The following TIAM2 variants were observed in gnomAD, a reference collection of about 807,000 sequenced individuals.
TIAM2 encodes the protein TIAM Rac1 associated GEF 2, also known as rho guanine nucleotide exchange factor TIAM2.
Under a neutral mutation model 152.9 loss-of-function variants are expected in TIAM2, and 80 were observed. The observed-to-expected ratio is 0.52, with a 90% CI of 0.44 to 0.63. The LOEUF is 0.63. Ranked by LOEUF, TIAM2 falls within the 30% of genes least tolerant of loss-of-function variation. The probability of loss-of-function intolerance (pLI) is 0.00; values close to 1 mark genes in which losing one functional copy is unlikely to be tolerated. For synonymous variants in TIAM2, 804 were observed against 838.0 expected, an observed-to-expected ratio of 0.96 and a Z score of 0.70; for missense variants, 1,965 against 2,120.1, an observed-to-expected ratio of 0.93 and a Z score of 1.44.
At chr6:155,026,395 T>G (rs1776602786) in intron 1 of TIAM2, among the ~76,000 whole-genome samples, 1 of 152,252 alleles carries the variant, frequency 6.6e-6, no homozygotes, top group Non-Finnish European at 1.5e-5. Context: ...TTTGCAATGA[T>G]AATTGAGTTT....
chr6:155,230,926 C>T (rs1329291093), intron 15 of TIAM2, among the ~76,000 whole-genome samples: 21 of 151,780 alleles, frequency 1.4e-4, no homozygotes, highest in African/African-American at 3.6e-4. Context: ...CTCTGCCTCC[C>T]GGGTTCAAGC....
intron 16 of TIAM2, among the ~76,000 whole-genome samples, chr6:155,241,786 C>G (rs939847856): frequency 6.6e-6 from 1 of 152,192 alleles, no homozygotes; most frequent in South Asian, 2.1e-4. Context: ...ATGAAGTGAA[C>G]AGCCAGGCTG....
chr6:155,191,128 G>C (rs1025726677), intron 14 of TIAM2, among the ~76,000 whole-genome samples: 10 of 152,124 alleles, frequency 6.6e-5, no homozygotes, highest in African/African-American at 2.4e-4. Flanking sequence ...AGTGTAGAAG[G>C]GTAAACGGTG....
intron 21 of TIAM2, chr6:155,250,601 A>C: frequency 1.3e-6 from 2 of 1,535,944 alleles, no homozygotes; most frequent in South Asian, 2.4e-5. Context: ...TACAAAAGGC[A>C]CTCTGGAAGA....
chr6:155,094,746 GT>G (rs1195702511), intron 2 of TIAM2, among the ~76,000 whole-genome samples: 1 of 145,402 alleles, frequency 6.9e-6, no homozygotes, highest in Non-Finnish European at 1.5e-5. Flanking sequence ...TTGTTTTTTT[GT>G]TTTTTTGTTT....
chr6:155,189,245 G>T (rs1267610629), intron 14 of TIAM2, among the ~76,000 whole-genome samples: 5 of 152,174 alleles, frequency 3.3e-5, no homozygotes, highest in African/African-American at 1.2e-4. Flanking sequence ...TTAGCTCAGA[G>T]AATGCTCTGT....
At chr6:155,197,670 T>C (rs1781377662) in intron 14 of TIAM2, among the ~76,000 whole-genome samples, 1 of 151,844 alleles carries the variant, frequency 6.6e-6, no homozygotes, top group African/African-American at 2.4e-5. Context: ...ACAATCATGG[T>C]GGAAAGGGAA....
chr6:155,084,528 C>T (rs781376342), intron 1 of TIAM2, among the ~76,000 whole-genome samples: 1 of 152,202 alleles, frequency 6.6e-6, no homozygotes, highest in Non-Finnish European at 1.5e-5. Context: ...TGATCACCAG[C>T]CTAGGGAGAG....
rs767597545 is a variant in TIAM2 at position 155,186,077 on chromosome 6, T to C, written c.3064+2577T>C. On this transcript the variant is annotated intron_variant, in intron 14 of 26. Coordinates refer to ENST00000682666, the MANE Select transcript of TIAM2 (RefSeq NM_012454.4). The surrounding 1 kb of genome is among the most constrained non-coding windows in gnomAD (Gnocchi z 4.5). Reference sequence around the variant, plus strand: ...GGAAAAGAAAATAAGGGTAGGTGGGTGGATTAAAAGATAAAAGTGAAAAAA... The same window carrying C: ...GGAAAAGAAAATAAGGGTAGGTGGGCGGATTAAAAGATAAAAGTGAAAAAA... 6.6e-6 allele frequency among the ~76,000 whole-genome samples: 1 copy of C among 151,994 alleles called. No individual in the cohort carries two copies. Among genetic ancestry groups the C allele is most frequent in the Non-Finnish European group, 1.5e-5 (1 of 67,998 alleles).
rs79414314 is a variant in TIAM2 at position 155,034,714 on chromosome 6, C to G, written c.-209+39222C>G. ...GCATGTGCTTTGGAGTCTGAGAGCC[C>G]ATGTTTGATTCCTGGCTAGGCTAGT... On this transcript the variant is annotated intron_variant, in intron 1 of 26. Transcript: ENST00000682666. Among the ~76,000 whole-genome samples, 20 of 152,276 alleles carry G rather than the reference C, an allele frequency of 1.3e-4. No homozygotes were observed. In the East Asian group the frequency reaches 3.9e-3, roughly 29 times the overall value.
rs539824984 is a variant in TIAM2, at chr6:155,116,115, A to G, written c.-117-11375A>G. Reference sequence around the variant, plus strand: ...GAGACTGCCATCTCAGAAAAAAAGAATGGATTAGGCCCTTCCCCCTCCATC... The same window carrying G: ...GAGACTGCCATCTCAGAAAAAAAGAGTGGATTAGGCCCTTCCCCCTCCATC... On this transcript the variant is annotated intron_variant, in intron 2 of 26. Transcript: ENST00000682666. 7.9e-5 allele frequency among the ~76,000 whole-genome samples: 12 copies of G among 152,332 alleles called. No individual in the cohort carries two copies. In the East Asian group the frequency reaches 1.9e-3, roughly 24 times the overall value.
At position 155,257,146 on chromosome 6, in the gene TIAM2, A is replaced by AAATT. The variant is rs565720439; in HGVS notation, c.*26_*29dup. 1.6e-3 allele frequency: 2,517 copies of AAATT among 1,603,012 alleles called. 5 individuals carry two copies. The highest frequency in any genetic ancestry group is 1.9e-3 in the Non-Finnish European group (2,283 of 1,173,044). Reference sequence around the variant, plus strand: ...GTATGATTCAATCCAGATATGGGTTAAATTCCTCATTTTACTTTTAAACTG... The same window carrying AAATT: ...GTATGATTCAATCCAGATATGGGTTAAATTAATTCCTCATTTTACTTTTAAACTG... On this transcript the variant is annotated 3_prime_UTR_variant, in exon 27 of 27. Transcript: ENST00000682666.
In TIAM2 at chr6:155,129,694, G is replaced by A. The variant is rs1406246153; in HGVS notation, c.471G>A (p.Lys157=). 6.2e-7 allele frequency: 1 copy of A among 1,614,110 alleles called. No individual in the cohort carries two copies. The highest frequency in any genetic ancestry group is 1.1e-5 in the South Asian group (1 of 91,086). ...IASTPPGEDR[K]SPRVLIKTLG... ...CCACCCCACCGGGCGAAGACCGCAA[G>A]AGCCCCCGAGTGCTCATCAAAACGC... The change falls in exon 4 of 27, where the codon AAG becomes AAA. Residue 157 remains lysine, a synonymous_variant. Transcript: ENST00000682666. The surrounding 1 kb of genome is among the most constrained non-coding windows in gnomAD (Gnocchi z 4.8).
intron 20 of TIAM2, among the ~76,000 whole-genome samples, chr6:155,249,289 G>C (rs113326569): frequency 0.013 from 1,929 of 152,258 alleles, 37 homozygotes; most frequent in African/African-American, 0.044. Context: ...GCAAACAATT[G>C]TTCTGTCAGT....
In TIAM2 at chr6:155,010,197, C is replaced by T. The variant is rs117954232; in HGVS notation, c.-209+14705C>T. On this transcript the variant is annotated intron_variant, in intron 1 of 26. Coordinates refer to ENST00000682666, the MANE Select transcript of TIAM2 (RefSeq NM_012454.4). ...GAGTGGAAAGAATCTAAGCGGAAGACTTATGACTTTGAGGTTGTGCCTTTT... is the reference window on the plus strand; with the variant it reads ...GAGTGGAAAGAATCTAAGCGGAAGATTTATGACTTTGAGGTTGTGCCTTTT... 8.5e-3 allele frequency among the ~76,000 whole-genome samples: 1,291 copies of T among 152,244 alleles called. 9 individuals are homozygous for T. Among genetic ancestry groups the T allele is most frequent in the Middle Eastern group, 0.014 (4 of 294 alleles).
chr6:155,230,543 T>TTATTGCCAGTC (rs112309051), intron 15 of TIAM2, among the ~76,000 whole-genome samples: 8 of 151,964 alleles, frequency 5.3e-5, no homozygotes, highest in Admixed American at 2.6e-4. Context: ...CAAGGAGTGA[T>TTATTGCCAGTC]TTGTTCATCA....
chr6:155,075,787 T>G (rs531865980), intron 1 of TIAM2, among the ~76,000 whole-genome samples: 1 of 152,350 alleles, frequency 6.6e-6, no homozygotes, highest in Admixed American at 6.5e-5. Context: ...ATTGAACTGC[T>G]GCCAGAAAGC....
chr6:155,118,818 C>T (rs1464456599), intron 2 of TIAM2, among the ~76,000 whole-genome samples: 3 of 151,778 alleles, frequency 2.0e-5, no homozygotes, highest in African/African-American at 7.3e-5. Flanking sequence ...TGGGTTGTTC[C>T]TAACTTTCCT....
chr6:155,108,895 A>G (rs957914229), intron 2 of TIAM2, among the ~76,000 whole-genome samples: 15 of 152,208 alleles, frequency 9.9e-5, no homozygotes, highest in African/African-American at 3.6e-4. Context: ...CTATATGTGT[A>G]TGTGCCTCTA....
Sources: allele counts gnomAD v4.1 joint callset (sites outside exome capture counted in the v4.1 genomes callset), GRCh38; gene constraint gnomAD v4.1.1; non-coding constraint Gnocchi (gnomAD v3.1); transcripts MANE v1.5; gene names NCBI Gene and HGNC (gene_info 2026-07-23, HGNC 2026-07-21).